The following ARID1A variants were observed in gnomAD, a reference collection of about 807,000 sequenced individuals.
ARID1A encodes the protein AT-rich interaction domain 1A, also known as AT-rich interactive domain-containing protein 1A.
In ARID1A, 20 loss-of-function variants were observed where a neutral mutation model predicts 212.6. That is an observed-to-expected ratio of 0.09 (90% confidence interval 0.07 to 0.14). ARID1A has a LOEUF of 0.14. ARID1A is among the 10% of genes least tolerant of loss of function. The probability of loss-of-function intolerance (pLI) is 1.00; values close to 1 mark genes in which losing one functional copy is unlikely to be tolerated. For missense variants in ARID1A, 2,587 were observed against 3,059.0 expected (o/e 0.85, Z 3.64); for synonymous variants, 1,376 against 1,222.1 (o/e 1.13, Z -2.63).
rs752026201 is a variant in ARID1A, at chr1:26,696,671, A to G, written c.268A>G (p.Ser90Gly). The G allele has an allele frequency of 1.7e-4, 230 of 1,317,532 alleles. No individual in the cohort carries two copies. Among genetic ancestry groups the G allele is most frequent in the East Asian group, 2.2e-4 (7 of 31,790 alleles). 81.6% of individuals were successfully genotyped at this position (1,317,532 alleles called of 1,614,324 possible). ...GGGTGGCGGCGGCGGCGGAGCCGGC[A>G]GCGGCGGCGGGCCCGGCGCGGAGCC... ...NGGGGGGGAG[S>G]GGGPGAEPDL... Residue 90 changes from serine to glycine, a missense_variant, in exon 1 of 20, where the codon AGC (serine) becomes GGC (glycine). By Grantham distance (56) the Ser-to-Gly change is moderately conservative (BLOSUM62 0). Around this residue, in one of 11 missense-constraint regions of ARID1A, gnomAD observed 735 missense variants for 590.6 expected, o/e 1.24. Transcript: ENST00000324856.
rs1370059067 is a variant in ARID1A at position 26,696,814 on chromosome 1, C to T, written c.411C>T (p.His137=). ...GCGATGGGGTGGGGGCGCCTCCTCA[C>T]TCAGCCGCGGCCGCCTTGCCGCCCC... ...GSSDGVGAPP[H]SAAAALPPPA... The change falls in exon 1 of 20, where the codon CAC becomes CAT. Residue 137 remains histidine, a synonymous_variant. Transcript: ENST00000324856. 4 of 1,342,278 alleles carry T rather than the reference C, an allele frequency of 3.0e-6. No individual in the cohort carries two copies. The highest frequency in any genetic ancestry group is 3.1e-5 in the East Asian group (1 of 32,240). The allele number at this position is 1,342,278 out of a possible 1,614,324, so 83.1% of individuals were successfully genotyped here.
rs1366553001 is a variant in ARID1A at position 26,761,407 on chromosome 1, C to G, written c.2185C>G (p.Pro729Ala). ...VPGNQMPPRP[P>A]SGQSDSIMHP... ...AGGCAACCAGATGCCACCTCGGCCA[C>G]CCAGTGGCCAGTCGGACAGCATCAT... Residue 729 changes from proline to alanine, a missense_variant, in exon 6 of 20, where the codon CCC becomes GCC. By Grantham distance (27) the Pro-to-Ala change is conservative. Transcript: ENST00000324856. 1.9e-6 allele frequency: 3 copies of G among 1,614,202 alleles called. No individual in the cohort carries two copies. Among genetic ancestry groups the G allele is most frequent in the Non-Finnish European group, 2.5e-6 (3 of 1,180,042 alleles).
At position 26,774,549 on chromosome 1, in the gene ARID1A, C is replaced by T. The variant is rs2081115500; in HGVS notation, c.4322C>T (p.Ala1441Val). The change falls in exon 18 of 20, where the codon GCT (alanine) becomes GTT (valine). Residue 1441 changes from alanine to valine, a missense_variant. Ala to Val is a moderately conservative substitution (Grantham distance 64, BLOSUM62 0). Around this residue, in one of 11 missense-constraint regions of ARID1A, gnomAD observed 890 missense variants for 1,098.2 expected, o/e 0.81. Coordinates refer to ENST00000324856, the MANE Select transcript of ARID1A (RefSeq NM_006015.6). The surrounding 1 kb of genome is among the most constrained non-coding windows in gnomAD (Gnocchi z 5.6). ...YGNAYPATAT[A>V]ATERRPAGGP... ...AATGCCTATCCTGCCACTGCCACAG[C>T]TGCTACTGAGCGCCGACCAGCAGGC... 6.2e-7 allele frequency: 1 copy of T among 1,614,078 alleles called. No individual in the cohort carries two copies. Among genetic ancestry groups the T allele is most frequent in the Non-Finnish European group, 8.5e-7 (1 of 1,180,028 alleles).
rs754046530 is a variant in ARID1A, at chr1:26,762,221, G to A, written c.2321G>A (p.Arg774His). The A allele has an allele frequency of 1.1e-5, 18 of 1,614,018 alleles. No homozygotes were observed. The highest frequency in any genetic ancestry group is 8.3e-5 in the Admixed American group (5 of 60,002). ...SPQPGSALSP[R>H]QPSGGQIHTG... ...CAGCCCGGCTCAGCCTTATCTCCGC[G>A]TCAGCCTTCCGGAGGACAGATACAC... The change falls in exon 7 of 20, where the codon CGT (arginine) becomes CAT (histidine). Residue 774 changes from arginine to histidine, a missense_variant. Transcript: ENST00000324856.
At chr1:26,729,602 G>T (rs376023955) in intron 1 of ARID1A, 49 bp from the exon 2 acceptor site, 1 of 1,600,334 alleles carries the variant, frequency 6.2e-7, no homozygotes, top group South Asian at 1.1e-5. Context: ...ATATTCAGTG[G>T]CCAGAGGCCA....
chr1:26,697,179 C>T lies in ARID1A; in HGVS notation c.776C>T (p.Ala259Val), dbSNP rs2124743500. The change falls in exon 1 of 20, where the codon GCC becomes GTC. Residue 259 changes from alanine (A) to valine (V), a missense_variant. Ala to Val is a moderately conservative substitution (Grantham distance 64). Coordinates refer to ENST00000324856, the MANE Select transcript of ARID1A (RefSeq NM_006015.6). ...SKPPPSSSASASSSSSSFAQQ... is the reference protein window; with the variant it reads ...SKPPPSSSASVSSSSSSFAQQ... ...CCGCCTCCCTCCTCCAGCGCCTCCG[C>T]CTCCTCGTCGTCTTCGTCCTTCGCT... 5 of 1,431,830 alleles carry T rather than the reference C, an allele frequency of 3.5e-6. No individual in the cohort carries two copies. The highest frequency in any genetic ancestry group is 1.5e-5 in the African/African-American group (1 of 66,638). 88.7% of individuals were successfully genotyped at this position (1,431,830 alleles called of 1,614,324 possible).
intron 19 of ARID1A, among the ~76,000 whole-genome samples, chr1:26,777,129 C>T (rs1338744558): frequency 1.3e-5 from 2 of 152,030 alleles, no homozygotes; most frequent in Non-Finnish European, 2.9e-5. Flanking sequence ...TAGTAGTGCC[C>T]TCATGGCTCA....
At chr1:26,741,375 A>G (rs1197048827) in intron 4 of ARID1A, among the ~76,000 whole-genome samples, 1 of 152,214 alleles carries the variant, frequency 6.6e-6, no homozygotes, top group East Asian at 1.9e-4. Flanking sequence ...GGGCTTGAGA[A>G]AAGGAAATGA....
rs1327257454 is a variant in ARID1A at position 26,773,454 on chromosome 1, C to T, written c.3824C>T (p.Pro1275Leu). 1 of 1,613,644 alleles carries T rather than the reference C, an allele frequency of 6.2e-7. No individual in the cohort carries two copies. Among genetic ancestry groups the T allele is most frequent in the East Asian group, 2.2e-5 (1 of 44,872 alleles). Residue 1275 changes from proline (P) to leucine (L), a missense_variant, in exon 15 of 20, where the codon CCA becomes CTA. Coordinates refer to ENST00000324856, the MANE Select transcript of ARID1A (RefSeq NM_006015.6). ...GPGLGNVAMG[P>L]RQHYPYGGPY... ...GGGCTAGGAAATGTGGCGATGGGAC[C>T]ACGACAGCACTATCCCTATGGAGGT...
At chr1:26,752,281 C>T (rs967909519) in intron 4 of ARID1A, among the ~76,000 whole-genome samples, 1 of 152,230 alleles carries the variant, frequency 6.6e-6, no homozygotes, top group Admixed American at 6.5e-5. Context: ...AGCCTGCTCT[C>T]TATGCATAGG....
Position 26,779,521 on chromosome 1 carries a change from C to A in ARID1A, c.5623C>A (p.Pro1875Thr). 1 of 1,614,096 alleles carries A rather than the reference C, an allele frequency of 6.2e-7. No homozygotes were observed. Among genetic ancestry groups the A allele is most frequent in the South Asian group, 1.1e-5 (1 of 91,074 alleles). The part of the protein sequence containing the change: ...LLPSRPHAPC[P>T]PAPRKHVTTA... ...GCCTTCCCGGCCTCACGCACCCTGC[C>A]CACCAGCCCCTCGGAAGCATGTGAC... Residue 1875 changes from proline (P) to threonine (T), a missense_variant, in exon 20 of 20, where the codon CCA becomes ACA. Pro to Thr is a conservative substitution (Grantham distance 38). Around this residue, in one of 11 missense-constraint regions of ARID1A, gnomAD observed 890 missense variants for 1,098.2 expected, o/e 0.81. Transcript: ENST00000324856.
intron 4 of ARID1A, among the ~76,000 whole-genome samples, chr1:26,737,613 C>G (rs1335610792): frequency 2.0e-5 from 3 of 152,106 alleles, no homozygotes; most frequent in Admixed American, 6.5e-5. Flanking sequence ...CGCTTGTAAT[C>G]CCGGCACTTT....
rs74402083 is a variant in ARID1A at position 26,719,401 on chromosome 1, C to A, written c.1138-10250C>A. ...TTCTAGCTTTTCTTTACTGGCCAGG[C>A]ACTGCCCTCTTCAGACCATTGTTTG... is the stretch of plus-strand genomic sequence containing the variant. On this transcript the variant is annotated intron_variant, in intron 1 of 19. Coordinates refer to ENST00000324856, the MANE Select transcript of ARID1A (RefSeq NM_006015.6). Among the ~76,000 whole-genome samples the A allele has an allele frequency of 2.1e-3, 325 of 152,288 alleles. 3 individuals carry two copies. The highest frequency in any genetic ancestry group is 7.4e-3 in the African/African-American group (309 of 41,560).
intron 19 of ARID1A, 163 bp from the exon 20 acceptor site, chr1:26,778,860 A>C: frequency 1.6e-6 from 1 of 635,624 alleles, no homozygotes; most frequent in Non-Finnish European, 2.5e-6. Flanking sequence ...TGGGCATAGA[A>C]GAGATTAAGA....
Position 26,781,973 on chromosome 1 carries a change from A to G in ARID1A, c.*1217A>G, listed in dbSNP as rs904897761. 3 of 233,444 alleles carry G rather than the reference A, an allele frequency of 1.3e-5. No individual in the cohort carries two copies. In the South Asian group the frequency reaches 5.4e-4, roughly 42 times the overall value. 14.5% of individuals were successfully genotyped at this position (233,444 alleles called of 1,614,324 possible). On this transcript the variant is annotated 3_prime_UTR_variant, in exon 20 of 20. Transcript: ENST00000324856. The stretch of plus-strand genomic sequence containing the variant: ...AAATCTGCATATTTGTATTTCAACA[A>G]TGTAGCTAAAACTTGATGTAAATTC...
chr1:26,699,178 TTTC>T (rs2080308639), intron 1 of ARID1A, among the ~76,000 whole-genome samples: 1 of 152,240 alleles, frequency 6.6e-6, no homozygotes, highest in Non-Finnish European at 1.5e-5. Flanking sequence ...TTCCACTTTT[TTTC>T]TTGTCTTCCA....
chr1:26,771,468 G>A lies in ARID1A; in HGVS notation c.3406+142G>A, dbSNP rs1029723963. On this transcript the variant is annotated intron_variant, in intron 12 of 19. Coordinates refer to ENST00000324856, the MANE Select transcript of ARID1A (RefSeq NM_006015.6). This position sits in a 1 kb window ranked among gnomAD's most constrained non-coding sequence, Gnocchi z 5.4. ...CTTGCCCTACCACAGGGCTTAACAG[G>A]TTGGCTGACTAGAGAGTGGGCAGTG... 3 of 898,958 alleles carry A rather than the reference G, an allele frequency of 3.3e-6. No individual in the cohort carries two copies. Among genetic ancestry groups the A allele is most frequent in the South Asian group, 3.5e-5 (2 of 56,906 alleles). The allele number at this position is 898,958 out of a possible 1,614,324, so 55.7% of individuals were successfully genotyped here.
rs151110622 is a variant in ARID1A, at chr1:26,730,194, A to G, written c.1350+331A>G. 1.5e-4 allele frequency among the ~76,000 whole-genome samples: 23 copies of G among 152,346 alleles called. No individual in the cohort carries two copies. The East Asian group carries it at 4.2e-3, about 28-fold the overall frequency. ...CATGTAGGCACTGCTACTATTAGGAAAACCATTCATATCATGTGCCCTGGT... is the reference window on the plus strand; with the variant it reads ...CATGTAGGCACTGCTACTATTAGGAGAACCATTCATATCATGTGCCCTGGT... On this transcript the variant is annotated intron_variant, in intron 2 of 19. Coordinates refer to ENST00000324856, the MANE Select transcript of ARID1A (RefSeq NM_006015.6).
At chr1:26,758,973 G>C (rs564893460) in intron 4 of ARID1A, among the ~76,000 whole-genome samples, 1 of 152,156 alleles carries the variant, frequency 6.6e-6, no homozygotes, top group African/African-American at 2.4e-5. Flanking sequence ...CCAGCCTAAT[G>C]AGGTACCCAA....
Sources: gnomAD v4.1 joint callset for allele counts (sites outside exome capture counted in the v4.1 genomes callset) on GRCh38, gnomAD v4.1.1 for gene constraint, gnomAD v4.1.1 regional missense constraint, Gnocchi (gnomAD v3.1) non-coding constraint, MANE v1.5 for transcripts, NCBI Gene and HGNC (gene_info 2026-07-23, HGNC 2026-07-21) for gene names.